Variants in MYO1D observed in about 807,000 individuals in gnomAD.
MYO1D encodes the protein unconventional myosin-Id.
MYO1D carries 83 observed loss-of-function variants against 122.0 expected under a neutral mutation model. That is an observed-to-expected ratio of 0.68 (90% CI 0.57 to 0.82). The LOEUF (loss-of-function observed/expected upper bound fraction) is 0.82, where lower values mean the gene tolerates loss of function less well. Ranked by LOEUF, MYO1D falls within the 40% of genes least tolerant of loss-of-function variation. The pLI is 0.00. For missense variants in MYO1D, 1,157 were observed against 1,269.5 expected, an observed-to-expected ratio of 0.91 and a Z score of 1.35; for synonymous variants, 464 against 446.9, an observed-to-expected ratio of 1.04 and a Z score of -0.48.
intron 1 of MYO1D, among the ~76,000 whole-genome samples, chr17:32,844,391 T>C (rs1019794448): frequency 2.7e-5 from 4 of 146,916 alleles, no homozygotes; most frequent in East Asian, 1.9e-4. Flanking sequence ...GTATATATAC[T>C]ATATATAATA....
rs192475106 is a variant in MYO1D at position 32,835,906 on chromosome 17, G to C, written c.95+40872C>G. On this transcript the variant is annotated intron_variant, in intron 1 of 21. Coordinates refer to ENST00000318217, the MANE Select transcript of MYO1D (RefSeq NM_015194.3). ...TAAGATTTGGGGGTTTACACTAACT[G>C]TTGGTTCATACTGCGCTCACTATGG... 1.6e-3 allele frequency among the ~76,000 whole-genome samples: 249 copies of C among 152,280 alleles called. 1 individual carries two copies. Among genetic ancestry groups the C allele is most frequent in the African/African-American group, 5.5e-3 (230 of 41,542 alleles).
chr17:32,639,020 G>A (rs1444148152), intron 19 of MYO1D, among the ~76,000 whole-genome samples, 185 bp from the exon 20 acceptor site: 1 of 152,102 alleles, frequency 6.6e-6, no homozygotes, highest in Non-Finnish European at 1.5e-5. Context: ...TTTTACAATT[G>A]AACATGGAAA....
At chr17:32,829,210 G>C (rs1394377274) in intron 1 of MYO1D, among the ~76,000 whole-genome samples, 1 of 152,226 alleles carries the variant, frequency 6.6e-6, no homozygotes, top group Non-Finnish European at 1.5e-5. Flanking sequence ...TAGATACTTA[G>C]ATTAAGGGCA....
At chr17:32,658,639 T>G (rs1215992110) in intron 17 of MYO1D, 1 of 152,514 alleles carries the variant, frequency 6.6e-6, no homozygotes, top group African/African-American at 2.4e-5. Context: ...AAAAAGGACC[T>G]CTGCCTGGGC....
chr17:32,801,106 G>A (rs547581569), intron 1 of MYO1D, among the ~76,000 whole-genome samples: 2 of 152,162 alleles, frequency 1.3e-5, no homozygotes, highest in South Asian at 2.1e-4. Context: ...GTTTCTCTAA[G>A]TGTCTATTAA....
intron 1 of MYO1D, among the ~76,000 whole-genome samples, chr17:32,788,288 T>C (rs528236077): frequency 1.3e-5 from 2 of 152,256 alleles, no homozygotes; most frequent in Non-Finnish European, 1.5e-5. Flanking sequence ...AGAAGCTTTT[T>C]AGTTTAAGTA....
intron 20 of MYO1D, among the ~76,000 whole-genome samples, chr17:32,629,241 G>A (rs2087969967): frequency 6.6e-6 from 1 of 152,118 alleles, no homozygotes; most frequent in Non-Finnish European, 1.5e-5. Context: ...GGAATGAACA[G>A]GTTACGCACA....
chr17:32,771,274 T>C (rs1035444142), intron 5 of MYO1D, 54 bp from the exon 6 acceptor site: 4 of 1,227,694 alleles, frequency 3.3e-6, no homozygotes, highest in African/African-American at 3.0e-5. Flanking sequence ...GAACCAAACA[T>C]GAACTTAGTG....
chr17:32,552,633 G>A (rs539744111), intron 21 of MYO1D, among the ~76,000 whole-genome samples: 1 of 152,114 alleles, frequency 6.6e-6, no homozygotes, highest in South Asian at 2.1e-4. Context: ...TATGTCCTAG[G>A]TACTGTGCTG....
chr17:32,843,056 A>G (rs1459600880), intron 1 of MYO1D, among the ~76,000 whole-genome samples: 1 of 151,698 alleles, frequency 6.6e-6, no homozygotes, highest in African/African-American at 2.4e-5. Flanking sequence ...GGGCCAGCTA[A>G]TTTTTGTATT....
intron 16 of MYO1D, among the ~76,000 whole-genome samples, chr17:32,697,659 C>A (rs1438612333): frequency 2.0e-5 from 3 of 151,274 alleles, no homozygotes; most frequent in Admixed American, 1.3e-4. Context: ...AAAAAAAAGT[C>A]ATCGATCACT....
rs547680490 is a variant in MYO1D at position 32,501,035 on chromosome 17, T to A, written c.2865-6120A>T. ...AAAAAAAAAAAAAAGAAAATGTGGATTGAGGTTGGCGGCTCCTCAGAAAGT... is the reference window on the plus strand; with the variant it reads ...AAAAAAAAAAAAAAGAAAATGTGGAATGAGGTTGGCGGCTCCTCAGAAAGT... On this transcript the variant is annotated intron_variant, in intron 21 of 21. Transcript: ENST00000318217. Among the ~76,000 whole-genome samples, 22 of 149,580 alleles carry A rather than the reference T, an allele frequency of 1.5e-4. 1 individual carries two copies. In the South Asian group the frequency reaches 4.6e-3, roughly 31 times the overall value.
intron 15 of MYO1D, among the ~76,000 whole-genome samples, chr17:32,714,356 T>C (rs1469379794): frequency 6.6e-6 from 1 of 152,160 alleles, no homozygotes; most frequent in East Asian, 1.9e-4. Flanking sequence ...CTGCTGAGGA[T>C]AGTGGCTTCC....
chr17:32,544,091 C>T (rs1231701311), intron 21 of MYO1D, among the ~76,000 whole-genome samples: 1 of 148,876 alleles, frequency 6.7e-6, no homozygotes, highest in Admixed American at 6.6e-5. Context: ...CCGCGCCTGG[C>T]CAAATCTTGC....
At chr17:32,799,613 C>T (rs1450030218) in intron 1 of MYO1D, among the ~76,000 whole-genome samples, 1 of 151,806 alleles carries the variant, frequency 6.6e-6, no homozygotes, top group East Asian at 1.9e-4. Context: ...CTCAATGACA[C>T]TGGTCTGGGC....
intron 12 of MYO1D, among the ~76,000 whole-genome samples, chr17:32,748,468 C>G (rs894115086): frequency 2.0e-5 from 3 of 152,142 alleles, no homozygotes; most frequent in African/African-American, 7.2e-5. Flanking sequence ...CTCTATACCC[C>G]TCTCAGTGGG....
intron 1 of MYO1D, among the ~76,000 whole-genome samples, chr17:32,824,028 C>T (rs2090699192): frequency 7.1e-6 from 1 of 140,524 alleles, no homozygotes; most frequent in Non-Finnish European, 1.5e-5. Context: ...GATCAGGCCA[C>T]TGCATTCCAG....
At chr17:32,500,010 G>A (rs1909262287) in intron 21 of MYO1D, among the ~76,000 whole-genome samples, 1 of 152,194 alleles carries the variant, frequency 6.6e-6, no homozygotes, top group Admixed American at 6.5e-5. Context: ...AACCCTACAA[G>A]TTTAATGGAG....
chr17:32,743,793 T>C (rs982286720), intron 13 of MYO1D, among the ~76,000 whole-genome samples: 3 of 151,958 alleles, frequency 2.0e-5, no homozygotes, highest in African/African-American at 4.8e-5. Flanking sequence ...AATTTTTTCA[T>C]ATTTTTAGTA....
Sources: gnomAD v4.1 joint callset for allele counts (sites outside exome capture counted in the v4.1 genomes callset) on GRCh38, gnomAD v4.1.1 for gene constraint, MANE v1.5 for transcripts, NCBI Gene and HGNC (gene_info 2026-07-23, HGNC 2026-07-21) for gene names.